Variants in SLC35F1 observed in about 807,000 individuals in gnomAD.
SLC35F1 encodes chromosome 6 open reading frame 169.
SLC35F1 carries 14 observed loss-of-function variants against 48.7 expected under a neutral mutation model. That is an observed-to-expected ratio of 0.29 (90% CI 0.19 to 0.45). The LOEUF is 0.45. SLC35F1 is among the 20% of genes least tolerant of loss of function. The probability of loss-of-function intolerance (pLI) is 1.00; values close to 1 mark genes in which losing one functional copy is unlikely to be tolerated. For missense variants in SLC35F1, 404 were observed against 500.0 expected, an observed-to-expected ratio of 0.81 and a Z score of 1.83; for synonymous variants, 190 against 202.2, an observed-to-expected ratio of 0.94 and a Z score of 0.51.
At chr6:118,113,813 T>C (rs777631879) in intron 1 of SLC35F1, among the ~76,000 whole-genome samples, 9 of 152,180 alleles carry the variant, frequency 5.9e-5, no homozygotes. Flanking sequence ...AATTAAAAAT[T>C]AGTTGTCCAG....
At chr6:118,050,106 A>G (rs1442874774) in intron 1 of SLC35F1, among the ~76,000 whole-genome samples, 1 of 152,128 alleles carries the variant, frequency 6.6e-6, no homozygotes, top group Non-Finnish European at 1.5e-5. Flanking sequence ...TCAGCAAACT[A>G]TCACAAGGAC....
intron 1 of SLC35F1, among the ~76,000 whole-genome samples, chr6:118,134,746 C>T (rs1319346704): frequency 6.6e-6 from 1 of 152,128 alleles, no homozygotes; most frequent in Non-Finnish European, 1.5e-5. Context: ...GAAAGAAAAG[C>T]CCTCCAAGAC....
chr6:117,928,215 C>T (rs554654145), intron 1 of SLC35F1, among the ~76,000 whole-genome samples: 2 of 151,930 alleles, frequency 1.3e-5, no homozygotes, highest in East Asian at 1.9e-4. Context: ...TAAATGAGAG[C>T]GAATATAGAA....
chr6:118,040,377 C>T (rs1772196226), intron 1 of SLC35F1, among the ~76,000 whole-genome samples: 1 of 152,096 alleles, frequency 6.6e-6, no homozygotes, highest in East Asian at 1.9e-4. Flanking sequence ...AGTGTTGTTG[C>T]TTTTCTAGAA....
intron 1 of SLC35F1, among the ~76,000 whole-genome samples, chr6:118,040,440 A>G (rs183064228): frequency 1.3e-5 from 2 of 152,152 alleles, no homozygotes; most frequent in Non-Finnish European, 2.9e-5. Flanking sequence ...TTACACTGCT[A>G]TGGTAGAACT....
At chr6:118,297,257 T>C (rs1776197891) in intron 7 of SLC35F1, among the ~76,000 whole-genome samples, 1 of 152,186 alleles carries the variant, frequency 6.6e-6, no homozygotes, top group South Asian at 2.1e-4. Flanking sequence ...CCACACTTAC[T>C]ACATTTGCTG....
chr6:118,038,723 G>A (rs887263248), intron 1 of SLC35F1, among the ~76,000 whole-genome samples: 3 of 152,048 alleles, frequency 2.0e-5, no homozygotes, highest in Admixed American at 6.6e-5. Context: ...CTGGAGTCAA[G>A]TGTGTCTTCT....
intron 1 of SLC35F1, among the ~76,000 whole-genome samples, chr6:118,111,807 A>G (rs1334805046): frequency 6.6e-6 from 1 of 152,204 alleles, no homozygotes; most frequent in East Asian, 1.9e-4. Flanking sequence ...ATTATATAGC[A>G]TGGGAGGGAA....
At chr6:117,944,592 T>TACAC (rs60520269) in intron 1 of SLC35F1, among the ~76,000 whole-genome samples, 6,584 of 135,936 alleles carry the variant, frequency 0.048, 187 homozygotes, top group African/African-American at 0.075. Context: ...CACATACACA[T>TACAC]ACACACACAC....
chr6:118,174,163 C>A (rs1212388202), intron 2 of SLC35F1, among the ~76,000 whole-genome samples: 1 of 151,904 alleles, frequency 6.6e-6, no homozygotes, highest in Non-Finnish European at 1.5e-5. Context: ...TGTGCAGATA[C>A]AAGTAAAAAT....
At position 117,926,810 on chromosome 6, in the gene SLC35F1, A is replaced by T. The variant is rs1294935119; in HGVS notation, c.173+18911A>T. ...ACTAAGCAGAAAAGTAACATGACTGATGTGTTCATAAGATCTGGCTGCCTG... is the reference window on the plus strand; with the variant it reads ...ACTAAGCAGAAAAGTAACATGACTGTTGTGTTCATAAGATCTGGCTGCCTG... On this transcript the variant is annotated intron_variant, in intron 1 of 7. Coordinates refer to ENST00000360388, the MANE Select transcript of SLC35F1 (RefSeq NM_001029858.4). Among the ~76,000 whole-genome samples, 6 of 152,242 alleles carry T rather than the reference A, an allele frequency of 3.9e-5. No homozygotes were observed. The East Asian group carries it at 1.2e-3, about 29-fold the overall frequency.
At chr6:117,942,585 T>C (rs1434179696) in intron 1 of SLC35F1, among the ~76,000 whole-genome samples, 1 of 152,212 alleles carries the variant, frequency 6.6e-6, no homozygotes. Context: ...AAAACAATAA[T>C]TTAACATATT....
At chr6:118,116,404 G>C (rs762654091) in intron 1 of SLC35F1, among the ~76,000 whole-genome samples, 11 of 152,208 alleles carry the variant, frequency 7.2e-5, no homozygotes, top group Non-Finnish European at 1.5e-4. Context: ...GATCCCTGGA[G>C]TATAGAATAA....
intron 3 of SLC35F1, among the ~76,000 whole-genome samples, chr6:118,262,953 A>G (rs1043470597): frequency 6.6e-6 from 1 of 152,100 alleles, no homozygotes; most frequent in Non-Finnish European, 1.5e-5. Flanking sequence ...AAAAACTACA[A>G]GGTTCAAATT....
chr6:118,186,210 A>G (rs1774654645), intron 2 of SLC35F1, among the ~76,000 whole-genome samples: 2 of 152,184 alleles, frequency 1.3e-5, no homozygotes, highest in African/African-American at 4.8e-5. Flanking sequence ...TGTGTGTCTA[A>G]TATCAGTCAG....
intron 1 of SLC35F1, among the ~76,000 whole-genome samples, chr6:118,044,580 C>G (rs1223221579): frequency 6.6e-6 from 1 of 152,066 alleles, no homozygotes; most frequent in Non-Finnish European, 1.5e-5. Flanking sequence ...GTCCTTATGT[C>G]CAGGAATGTG....
At chr6:118,262,221 C>T (rs1052623788) in intron 3 of SLC35F1, among the ~76,000 whole-genome samples, 2 of 151,886 alleles carry the variant, frequency 1.3e-5, no homozygotes, top group Admixed American at 6.6e-5. Flanking sequence ...AAGGGGTCTG[C>T]GGAGTGCTGG....
At chr6:118,064,852 C>T (rs1772591074) in intron 1 of SLC35F1, among the ~76,000 whole-genome samples, 1 of 152,040 alleles carries the variant, frequency 6.6e-6, no homozygotes, top group South Asian at 2.1e-4. Flanking sequence ...TTTTAATCTT[C>T]CTCAGTATCT....
At chr6:118,204,611 C>T (rs1358177306) in intron 2 of SLC35F1, among the ~76,000 whole-genome samples, 1 of 152,148 alleles carries the variant, frequency 6.6e-6, no homozygotes, top group Non-Finnish European at 1.5e-5. Flanking sequence ...TATCATGAAG[C>T]TATTGACTCT....
Sources: allele counts gnomAD v4.1 joint callset (sites outside exome capture counted in the v4.1 genomes callset), GRCh38; gene constraint gnomAD v4.1.1; transcripts MANE v1.5; gene names NCBI Gene and HGNC (gene_info 2026-07-23, HGNC 2026-07-21).